PCDHA3: variants seen among roughly 807,000 people sequenced by gnomAD.
PCDHA3 encodes the protein protocadherin alpha 3, also known as protocadherin alpha-3.
PCDHA3 carries 41 observed loss-of-function variants against 62.2 expected under a neutral mutation model. That is an observed-to-expected ratio of 0.66 (90% CI 0.51 to 0.86). PCDHA3 has a LOEUF of 0.86. Ranked by LOEUF, PCDHA3 falls within the 40% of genes least tolerant of loss-of-function variation. The pLI, the probability that PCDHA3 is intolerant of heterozygous loss-of-function variation, is 0.00. For missense variants in PCDHA3, 1,304 were observed against 1,241.2 expected (o/e 1.05, Z -0.76); for synonymous variants, 640 against 555.4 (o/e 1.15, Z -2.14).
intron 1 of PCDHA3, chr5:140,876,400 T>G: frequency 1.2e-6 from 2 of 1,613,928 alleles, no homozygotes; most frequent in Non-Finnish European, 1.7e-6. Context: ...TGAACTGGAT[T>G]TTGAAGAGAA....
At chr5:140,824,196 A>G (rs1554129794) in intron 1 of PCDHA3, 1 of 1,598,358 alleles carries the variant, frequency 6.3e-7, no homozygotes, top group East Asian at 2.2e-5. Context: ...ACATTCACCC[A>G]CTTTTTTTGT....
At chr5:140,881,507 C>A in intron 1 of PCDHA3, 1 of 231,112 alleles carries the variant, frequency 4.3e-6, no homozygotes, top group Non-Finnish European at 7.1e-6. Context: ...CACACACTCA[C>A]ATACAAAATC....
At chr5:140,952,160 G>A (rs952147312) in intron 1 of PCDHA3, among the ~76,000 whole-genome samples, 1 of 152,044 alleles carries the variant, frequency 6.6e-6, no homozygotes, top group Non-Finnish European at 1.5e-5. Context: ...GGCTTTGTGG[G>A]GTTCAGTTCC....
In PCDHA3 at chr5:141,011,182, G is replaced by C. The variant is rs887034679; in HGVS notation, c.*1245G>C. The C allele has an allele frequency of 6.5e-6, 1 of 153,494 alleles. No individual in the cohort carries two copies. Among genetic ancestry groups the C allele is most frequent in the African/African-American group, 2.4e-5 (1 of 41,364 alleles). The allele number at this position is 153,494 out of a possible 1,614,324, so 9.5% of individuals were successfully genotyped here. A position where few individuals can be genotyped will look rare whatever the true frequency, so the allele number is the denominator to read the frequency against. On this transcript the variant is annotated 3_prime_UTR_variant, in exon 4 of 4. Coordinates refer to ENST00000522353, the MANE Select transcript of PCDHA3 (RefSeq NM_018906.3). The stretch of plus-strand genomic sequence containing the variant: ...TATATATCAAGACCCAAAAATTGAA[G>C]AAAAATATTGTTTTCTCATACAGTG...
At chr5:140,919,545 T>C (rs572558911) in intron 1 of PCDHA3, among the ~76,000 whole-genome samples, 15 of 152,314 alleles carry the variant, frequency 9.8e-5, no homozygotes, top group African/African-American at 3.6e-4. Flanking sequence ...ACTTTTCATT[T>C]ACTGATTTAT....
chr5:141,009,315 C>G (rs1292643535), intron 3 of PCDHA3, among the ~76,000 whole-genome samples: 2 of 152,132 alleles, frequency 1.3e-5, no homozygotes, highest in Admixed American at 6.6e-5. Context: ...AAAAGCTAGC[C>G]TGGCATGGGA....
chr5:140,844,193 C>G (rs2150369320), intron 1 of PCDHA3, among the ~76,000 whole-genome samples: 1 of 149,542 alleles, frequency 6.7e-6, no homozygotes, highest in East Asian at 1.9e-4. Flanking sequence ...TCTTATCTGA[C>G]TTTTTAGTGT....
At chr5:140,943,248 ACT>A (rs1250099362) in intron 1 of PCDHA3, among the ~76,000 whole-genome samples, 2 of 133,008 alleles carry the variant, frequency 1.5e-5, no homozygotes, top group Non-Finnish European at 3.1e-5. Flanking sequence ...ACAGAGTGAG[ACT>A]CTGTCTCAAA....
At chr5:140,836,089 G>T in intron 1 of PCDHA3, 1 of 1,613,682 alleles carries the variant, frequency 6.2e-7, no homozygotes. Context: ...CTGGCGCCTC[G>T]GGTGGGTGGC....
At chr5:140,849,831 GC>G in intron 1 of PCDHA3, 1 of 1,598,564 alleles carries the variant, frequency 6.3e-7, no homozygotes, top group Non-Finnish European at 8.6e-7. Context: ...TGTGGAGGTG[GC>G]CGACGTGAAC....
At chr5:140,843,478 T>C in intron 1 of PCDHA3, 1 of 1,595,862 alleles carries the variant, frequency 6.3e-7, no homozygotes, top group Non-Finnish European at 8.6e-7. Flanking sequence ...TGCTGTACAC[T>C]GCGCTGCGGT....
chr5:140,884,559 C>G lies in PCDHA3; in HGVS notation c.2394+80968C>G. On this transcript the variant is annotated intron_variant, in intron 1 of 3. Transcript: ENST00000522353. ...CCGAGGGTGTGCTCTGGGGAGGGCC[C>G]GCATAAGACGGACCTCATGGCCTTC... The G allele has an allele frequency of 1.2e-6, 2 of 1,614,094 alleles. No individual in the cohort carries two copies. The highest frequency in any genetic ancestry group is 1.7e-5 in the Admixed American group (1 of 59,984).
intron 1 of PCDHA3, chr5:140,830,426 T>G (rs2150186356): frequency 6.2e-7 from 1 of 1,613,866 alleles, no homozygotes; most frequent in Non-Finnish European, 8.5e-7. Flanking sequence ...CCTTTCACCT[T>G]GTCCTATTAT....
chr5:140,871,132 G>A, intron 1 of PCDHA3: 1 of 1,613,372 alleles, frequency 6.2e-7, no homozygotes, highest in South Asian at 1.1e-5. Flanking sequence ...GGCGCCAAAG[G>A]CCTCTTCCCG....
At chr5:140,830,434 T>C (rs1771061273) in intron 1 of PCDHA3, 2 of 1,613,288 alleles carry the variant, frequency 1.2e-6, no homozygotes, top group Non-Finnish European at 1.7e-6. Flanking sequence ...CTTGTCCTAT[T>C]ATGATGGGTA....
At chr5:140,886,364 C>T (rs2060956289) in intron 1 of PCDHA3, among the ~76,000 whole-genome samples, 1 of 152,082 alleles carries the variant, frequency 6.6e-6, no homozygotes. Context: ...CATAGGTGTA[C>T]ATGCCATGGT....
chr5:140,927,362 G>A, intron 1 of PCDHA3: 1 of 1,614,030 alleles, frequency 6.2e-7, no homozygotes, highest in Non-Finnish European at 8.5e-7. Context: ...GGAAGCAATG[G>A]GATACTAAGC....
Position 140,924,836 on chromosome 5 carries a change from A to G in PCDHA3, c.2395-54113A>G, listed in dbSNP as rs182903893. ...CTTGAACCTGGGAGGGGGAGGTTGC[A>G]GGGAGCTCAGATCGTGCCACTGCAC... On this transcript the variant is annotated intron_variant, in intron 1 of 3. Coordinates refer to ENST00000522353, the MANE Select transcript of PCDHA3 (RefSeq NM_018906.3). Among the ~76,000 whole-genome samples, 1,210 of 151,808 alleles carry G rather than the reference A, an allele frequency of 8.0e-3. 6 individuals carry two copies. Among genetic ancestry groups the G allele is most frequent in the African/African-American group, 0.019 (780 of 41,292 alleles).
At chr5:140,808,911 G>A (rs1554124881) in intron 1 of PCDHA3, 21 of 1,613,574 alleles carry the variant, frequency 1.3e-5, no homozygotes, top group South Asian at 6.6e-5. Flanking sequence ...GGCACTGGTG[G>A]CGCAGTGAGC....
Sources: allele counts gnomAD v4.1 joint callset (sites outside exome capture counted in the v4.1 genomes callset), GRCh38; gene constraint gnomAD v4.1.1; transcripts MANE v1.5; gene names NCBI Gene and HGNC (gene_info 2026-07-23, HGNC 2026-07-21).